The following MIPOL1 variants were observed in gnomAD, a reference collection of about 807,000 sequenced individuals.
MIPOL1 encodes mirror-image polydactyly 1, also known as mirror-image polydactyly gene 1 protein.
A neutral mutation model predicts 60.9 loss-of-function variants in MIPOL1; 57 were observed. That is an observed-to-expected ratio of 0.94 (90% CI 0.76 to 1.17). The LOEUF (loss-of-function observed/expected upper bound fraction) is 1.17, where lower values mean the gene tolerates loss of function less well. Among genes scored for constraint, MIPOL1 ranks in the 50% most tolerant of loss-of-function variants. MIPOL1 has a pLI of 0.00. For missense variants in MIPOL1, 551 were observed against 511.6 expected (o/e 1.08, Z -0.74); for synonymous variants, 179 against 168.8 (o/e 1.06, Z -0.47).
At chr14:37,457,848 G>T (rs1490434483) in intron 11 of MIPOL1, among the ~76,000 whole-genome samples, 2 of 151,840 alleles carry the variant, frequency 1.3e-5, no homozygotes, top group African/African-American at 4.8e-5. Context: ...AAATTATTTG[G>T]GTTCACAAGT....
intron 11 of MIPOL1, among the ~76,000 whole-genome samples, chr14:37,435,354 T>C (rs1157354103): frequency 1.3e-5 from 2 of 152,196 alleles, no homozygotes; most frequent in African/African-American, 4.8e-5. Context: ...GTTCCTTTAC[T>C]TTGTTCAACT....
At chr14:37,221,327 T>C (rs904694781) in intron 1 of MIPOL1, among the ~76,000 whole-genome samples, 1 of 152,170 alleles carries the variant, frequency 6.6e-6, no homozygotes, top group African/African-American at 2.4e-5. Context: ...AGCAGGCCCA[T>C]TGAACAAAAC....
At chr14:37,400,780 A>G (rs981644312) in intron 10 of MIPOL1, 3 of 152,060 alleles carry the variant, frequency 2.0e-5, no homozygotes, top group African/African-American at 7.2e-5. Context: ...TAATGAAGAA[A>G]CTGCTTACTA....
chr14:37,335,567 A>G (rs1261965482), intron 9 of MIPOL1, among the ~76,000 whole-genome samples: 1 of 152,084 alleles, frequency 6.6e-6, no homozygotes, highest in Non-Finnish European at 1.5e-5. Context: ...ATGTTGATTT[A>G]TGTTGAAGTG....
intron 9 of MIPOL1, among the ~76,000 whole-genome samples, chr14:37,340,346 T>C (rs2090473720): frequency 6.6e-6 from 1 of 152,196 alleles, no homozygotes. Context: ...ATTTGTACAA[T>C]GTGTTTATGT....
At chr14:37,446,859 G>C (rs1325315651) in intron 11 of MIPOL1, among the ~76,000 whole-genome samples, 1 of 151,686 alleles carries the variant, frequency 6.6e-6, no homozygotes, top group Non-Finnish European at 1.5e-5. Flanking sequence ...TCACTCATAG[G>C]TGGGAATTGA....
intron 10 of MIPOL1, among the ~76,000 whole-genome samples, chr14:37,420,096 GAA>G (rs796634849): frequency 7.5e-6 from 1 of 133,082 alleles, no homozygotes; most frequent in Non-Finnish European, 1.6e-5. Context: ...AGCAATTTTT[GAA>G]AAAAAAAAAA....
intron 1 of MIPOL1, among the ~76,000 whole-genome samples, chr14:37,211,797 C>T (rs1296584609): frequency 6.6e-6 from 1 of 151,876 alleles, no homozygotes; most frequent in Admixed American, 6.6e-5. Context: ...GCGTAGCTCC[C>T]AGTTCCAAAA....
At chr14:37,551,877 A>AAATAATAATAATAAT (rs58440952), downstream of MIPOL1, 10 of 140,734 alleles carry the variant, frequency 7.1e-5, no homozygotes, top group African/African-American at 1.6e-4. Context: ...AGACTGTCTC[A>AAATAATAATAATAAT]AATAATAATA....
In MIPOL1 at chr14:37,239,200, C is replaced by A. The variant is rs981336210; in HGVS notation, c.-198-7903C>A. On this transcript the variant is annotated intron_variant, in intron 1 of 12. Coordinates refer to ENST00000684589, the MANE Select transcript of MIPOL1 (RefSeq NM_001388067.1). ...AGCTGGGACTACAGGTGCCCACCAC[C>A]ATGCCCAGCTAATTTTTTGTATTTT... Among the ~76,000 whole-genome samples, 4 of 151,828 alleles carry A rather than the reference C, an allele frequency of 2.6e-5. No homozygotes were observed. The East Asian group carries it at 7.8e-4, about 30-fold the overall frequency.
intron 10 of MIPOL1, among the ~76,000 whole-genome samples, chr14:37,415,908 G>C (rs1481330956): frequency 2.0e-5 from 3 of 152,076 alleles, no homozygotes; most frequent in Non-Finnish European, 4.4e-5. Context: ...ATTTTGCTGT[G>C]TCTATGTATA....
intron 3 of MIPOL1, among the ~76,000 whole-genome samples, chr14:37,261,089 T>C (rs1166596160): frequency 6.6e-6 from 1 of 152,108 alleles, no homozygotes; most frequent in East Asian, 1.9e-4. Context: ...TTTTATAATC[T>C]GATACAAACT....
chr14:37,505,083 A>G (rs981516612), intron 12 of MIPOL1: 2 of 152,182 alleles, frequency 1.3e-5, no homozygotes, highest in Admixed American at 1.3e-4. Flanking sequence ...TAGACCAATA[A>G]CAGGCTCTGA....
At chr14:37,260,580 G>C (rs1156561094) in intron 3 of MIPOL1, among the ~76,000 whole-genome samples, 1 of 152,046 alleles carries the variant, frequency 6.6e-6, no homozygotes, top group Middle Eastern at 3.2e-3. Flanking sequence ...GAAACAGAAA[G>C]ATTATCTTAT....
At chr14:37,492,384 C>G (rs531792656) in intron 11 of MIPOL1, among the ~76,000 whole-genome samples, 1 of 152,152 alleles carries the variant, frequency 6.6e-6, no homozygotes, top group Non-Finnish European at 1.5e-5. Flanking sequence ...AAACTAGTTT[C>G]CTTCTCCCAA....
rs185012625 is a variant in MIPOL1 at position 37,301,140 on chromosome 14, T to A, written c.624-6916T>A. On this transcript the variant is annotated intron_variant, in intron 7 of 12. Transcript: ENST00000684589. Reference sequence around the variant, plus strand: ...ATATATATATACACACTAACTGATGTATACACATATCTATATATATACTAT... The same window carrying A: ...ATATATATATACACACTAACTGATGAATACACATATCTATATATATACTAT... Among the ~76,000 whole-genome samples the A allele has an allele frequency of 1.3e-4, 2 of 15,326 alleles. 1 individual carries two copies. Among genetic ancestry groups the A allele is most frequent in the African/African-American group, 1.6e-4 (2 of 12,170 alleles). The allele number at this position is 15,326 out of a possible 152,430, so 10.1% of individuals were successfully genotyped here.
intron 9 of MIPOL1, among the ~76,000 whole-genome samples, chr14:37,354,047 G>A (rs2091614240): frequency 1.3e-5 from 2 of 150,474 alleles, no homozygotes; most frequent in African/African-American, 4.9e-5. Context: ...GGCATTTAGT[G>A]CTATAAATTT....
chr14:37,383,150 G>C, intron 10 of MIPOL1, among the ~76,000 whole-genome samples: 1 of 151,598 alleles, frequency 6.6e-6, no homozygotes, highest in East Asian at 1.9e-4. Context: ...TTATTTGTAC[G>C]TTCTTAATAA....
intron 10 of MIPOL1, among the ~76,000 whole-genome samples, chr14:37,374,871 T>C (rs1186585312): frequency 2.0e-5 from 3 of 152,186 alleles, no homozygotes; most frequent in African/African-American, 7.2e-5. Flanking sequence ...TGTGGGCTCC[T>C]TTTTGGTTCC....
Sources: gnomAD v4.1 joint callset for allele counts (sites outside exome capture counted in the v4.1 genomes callset) on GRCh38, gnomAD v4.1.1 for gene constraint, MANE v1.5 for transcripts, NCBI Gene and HGNC (gene_info 2026-07-23, HGNC 2026-07-21) for gene names.